Variants in ASTN2 observed in about 807,000 individuals in gnomAD.
The protein encoded by ASTN2 is astrotactin 2.
ASTN2 carries 54 observed loss-of-function variants against 139.8 expected under a neutral mutation model. The observed-to-expected ratio is 0.39, with a 90% CI of 0.31 to 0.48. The LOEUF is 0.48. ASTN2 is among the 20% of genes least tolerant of loss of function. ASTN2 has a pLI of 0.95. For synonymous variants in ASTN2, 756 were observed against 719.5 expected, an observed-to-expected ratio of 1.05 and a Z score of -0.81; for missense variants, 1,565 against 1,725.1, an observed-to-expected ratio of 0.91 and a Z score of 1.64.
rs1254766642 is a variant in ASTN2, at chr9:117,414,321, C to G, written c.442+176G>C. 6.6e-6 allele frequency among the ~76,000 whole-genome samples: 1 copy of G among 152,144 alleles called. No individual in the cohort carries two copies. Among genetic ancestry groups the G allele is most frequent in the African/African-American group, 2.4e-5 (1 of 41,458 alleles). ...TCCCGCCGCGCGCTCTCCAGGACCT[C>G]CTCCCACATGCTCGTTTCCAACCAC... On this transcript the variant is annotated intron_variant, in intron 1 of 22. Transcript: ENST00000313400. The surrounding 1 kb of genome is among the most constrained non-coding windows in gnomAD (Gnocchi z 4.2).
chr9:117,071,781 C>A (rs1438039077), intron 5 of ASTN2, among the ~76,000 whole-genome samples: 2 of 151,746 alleles, frequency 1.3e-5, no homozygotes, highest in East Asian at 2.0e-4. Context: ...TTTCCAGGTG[C>A]GTCCGTCACC....
intron 16 of ASTN2, among the ~76,000 whole-genome samples, chr9:116,661,835 G>A (rs534434558): frequency 1.3e-5 from 2 of 152,042 alleles, no homozygotes; most frequent in South Asian, 4.2e-4. Flanking sequence ...GACACAGGAA[G>A]GGGAACATCA....
chr9:117,266,797 T>C (rs1833947675), intron 2 of ASTN2, among the ~76,000 whole-genome samples: 1 of 152,206 alleles, frequency 6.6e-6, no homozygotes, highest in Non-Finnish European at 1.5e-5. Flanking sequence ...ATAAACTTTT[T>C]AGAGAAACAA....
At chr9:116,472,622 G>A (rs1449708207) in intron 20 of ASTN2, among the ~76,000 whole-genome samples, 1 of 152,060 alleles carries the variant, frequency 6.6e-6, no homozygotes, top group African/African-American at 2.4e-5. Context: ...TCATGGTTCT[G>A]GCCAGGCGTG....
chr9:116,542,318 T>G (rs1178888752), intron 19 of ASTN2, among the ~76,000 whole-genome samples: 1 of 152,218 alleles, frequency 6.6e-6, no homozygotes, highest in Non-Finnish European at 1.5e-5. Flanking sequence ...AATAAAAAGG[T>G]AACATAAACT....
chr9:117,044,646 CAG>C (rs2132657141), intron 5 of ASTN2, among the ~76,000 whole-genome samples: 1 of 152,296 alleles, frequency 6.6e-6, no homozygotes, highest in East Asian at 1.9e-4. Flanking sequence ...GATGCAGAGA[CAG>C]AAAAGGGAAC....
chr9:116,647,615 T>C (rs781664841), intron 17 of ASTN2, among the ~76,000 whole-genome samples: 1 of 152,118 alleles, frequency 6.6e-6, no homozygotes, highest in Admixed American at 6.5e-5. Flanking sequence ...CAAGAACACA[T>C]TGCAAAAGTC....
At chr9:116,538,626 T>C (rs1851747000) in intron 19 of ASTN2, among the ~76,000 whole-genome samples, 1 of 152,182 alleles carries the variant, frequency 6.6e-6, no homozygotes, top group South Asian at 2.1e-4. Context: ...ATTCTTCATG[T>C]TGATCTAAGG....
At chr9:116,882,527 T>C (rs1447825083) in intron 10 of ASTN2, among the ~76,000 whole-genome samples, 3 of 152,160 alleles carry the variant, frequency 2.0e-5, no homozygotes, top group Admixed American at 2.0e-4. Context: ...ACAGTCATTA[T>C]GTTTGAGCTA....
At chr9:116,832,940 T>TTTTATTTA (rs376636277) in intron 11 of ASTN2, among the ~76,000 whole-genome samples, 2,285 of 149,910 alleles carry the variant, frequency 0.015, 27 homozygotes, top group Non-Finnish European at 0.024. Context: ...TTTTGTTTTG[T>TTTTATTTA]TTTATTTATT....
intron 3 of ASTN2, among the ~76,000 whole-genome samples, chr9:117,199,351 G>A (rs1831622670): frequency 6.6e-6 from 1 of 151,868 alleles, no homozygotes; most frequent in African/African-American, 2.4e-5. Context: ...TCTGCATATG[G>A]CTAGCCAGCA....
chr9:116,783,775 A>G (rs1830287109), intron 13 of ASTN2, among the ~76,000 whole-genome samples: 1 of 152,116 alleles, frequency 6.6e-6, no homozygotes, highest in Non-Finnish European at 1.5e-5. Flanking sequence ...GTAAAGAGCT[A>G]TGGGCTGAGG....
At chr9:117,284,130 G>A (rs1245864971) in intron 2 of ASTN2, among the ~76,000 whole-genome samples, 3 of 152,108 alleles carry the variant, frequency 2.0e-5, no homozygotes, top group Non-Finnish European at 4.4e-5. Flanking sequence ...TTTAAATGAG[G>A]TTGTTAGGGT....
intron 16 of ASTN2, among the ~76,000 whole-genome samples, chr9:116,675,182 G>C (rs540903983): frequency 2.0e-5 from 3 of 152,260 alleles, no homozygotes; most frequent in South Asian, 4.1e-4. Flanking sequence ...GTACTCTATT[G>C]GTGGGGTACT....
intron 4 of ASTN2, among the ~76,000 whole-genome samples, chr9:117,117,688 TGA>T (rs1444239003): frequency 1.3e-5 from 2 of 152,248 alleles, no homozygotes; most frequent in Non-Finnish European, 2.9e-5. Context: ...TCCTGTTTGC[TGA>T]GTTATTAGCC....
intron 5 of ASTN2, among the ~76,000 whole-genome samples, chr9:117,050,886 C>T (rs1240779623): frequency 6.6e-6 from 1 of 152,124 alleles, no homozygotes; most frequent in Non-Finnish European, 1.5e-5. Context: ...GTTAGATTTG[C>T]CTGTCTCTTT....
intron 1 of ASTN2, among the ~76,000 whole-genome samples, chr9:117,397,310 T>G (rs1830702927): frequency 6.6e-6 from 1 of 152,074 alleles, no homozygotes; most frequent in Admixed American, 6.6e-5. Flanking sequence ...AATTAAAAAT[T>G]TATGAACATC....
rs1250429936 is a variant in ASTN2, at chr9:117,338,119, A to G, written c.443-46606T>C. Among the ~76,000 whole-genome samples the G allele has an allele frequency of 2.6e-5, 4 of 152,186 alleles. No individual in the cohort carries two copies. In the East Asian group the frequency reaches 7.7e-4, roughly 29 times the overall value. Reference sequence around the variant, plus strand: ...ATCATCCTCTCATCCTCACGGACATATGGAGAGAACAGAAGGATTAGGAAA... The same window carrying G: ...ATCATCCTCTCATCCTCACGGACATGTGGAGAGAACAGAAGGATTAGGAAA... On this transcript the variant is annotated intron_variant, in intron 1 of 22. Transcript: ENST00000313400.
chr9:117,011,547 A>C (rs541110315), intron 6 of ASTN2, among the ~76,000 whole-genome samples: 30 of 152,364 alleles, frequency 2.0e-4, no homozygotes, highest in Admixed American at 1.2e-3. Context: ...CAACTGCTAT[A>C]GTAGACTGAA....
Sources: gnomAD v4.1 joint callset for allele counts (sites outside exome capture counted in the v4.1 genomes callset) on GRCh38, gnomAD v4.1.1 for gene constraint, Gnocchi (gnomAD v3.1) non-coding constraint, MANE v1.5 for transcripts, NCBI Gene and HGNC (gene_info 2026-07-23, HGNC 2026-07-21) for gene names.